Variants in RPGRIP1L observed in about 807,000 individuals in gnomAD.
RPGRIP1L encodes the protein RPGRIP1 like.
Under a neutral mutation model 160.4 loss-of-function variants are expected in RPGRIP1L, and 131 were observed. The observed-to-expected ratio is 0.82, with a 90% CI of 0.71 to 0.94. The LOEUF is 0.94. Ranked by LOEUF, RPGRIP1L falls within the 40% of genes least tolerant of loss-of-function variation. The probability of loss-of-function intolerance (pLI) is 0.00; values close to 1 mark genes in which losing one functional copy is unlikely to be tolerated. For synonymous variants in RPGRIP1L, 510 were observed against 515.8 expected (o/e 0.99, Z 0.15); for missense variants, 1,522 against 1,535.8 (o/e 0.99, Z 0.15).
intron 25 of RPGRIP1L, 66 bp from the exon 26 acceptor site, chr16:53,605,680 C>G: frequency 6.5e-7 from 1 of 1,534,364 alleles, no homozygotes; most frequent in Non-Finnish European, 9.0e-7. Flanking sequence ...GACAAAACTC[C>G]CAAATGGGGT....
At chr16:53,683,486 G>A (rs1213843562) in intron 6 of RPGRIP1L, among the ~76,000 whole-genome samples, 2 of 152,116 alleles carry the variant, frequency 1.3e-5, no homozygotes, top group Admixed American at 1.3e-4. Flanking sequence ...TGGTAGGTAT[G>A]TTTTTAAAAA....
At position 53,682,697 on chromosome 16, in the gene RPGRIP1L, A is replaced by C. The variant is rs374484656; in HGVS notation, c.776+3736T>G. ...AATTTTTATATTCAGACAATGTCTT[A>C]AACATGGCTGTTGGCATTTACTAAG... On this transcript the variant is annotated intron_variant, in intron 6 of 26. Coordinates refer to ENST00000647211, the MANE Select transcript of RPGRIP1L (RefSeq NM_015272.5). Among the ~76,000 whole-genome samples the C allele has an allele frequency of 2.0e-5, 3 of 152,186 alleles. No individual in the cohort carries two copies. The East Asian group carries it at 5.8e-4, about 29-fold the overall frequency.
chr16:53,685,880 T>C (rs914513382), intron 6 of RPGRIP1L, among the ~76,000 whole-genome samples: 1 of 152,048 alleles, frequency 6.6e-6, no homozygotes, highest in Non-Finnish European at 1.5e-5. Context: ...TTGGAAATTA[T>C]AACAAAAAAA....
intron 25 of RPGRIP1L, among the ~76,000 whole-genome samples, chr16:53,606,009 G>GT (rs988966174): frequency 6.6e-6 from 1 of 152,132 alleles, no homozygotes; most frequent in African/African-American, 2.4e-5. Context: ...CCATAGAAAC[G>GT]TAACATTTCC....
At chr16:53,649,257 G>A in intron 15 of RPGRIP1L, 142 bp from the exon 16 acceptor site, 1 of 659,298 alleles carries the variant, frequency 1.5e-6, no homozygotes, top group Non-Finnish European at 2.6e-6. Flanking sequence ...AATGATGTGA[G>A]ATTGGCAAAT....
At chr16:53,670,352 T>C (rs1968610588) in intron 9 of RPGRIP1L, among the ~76,000 whole-genome samples, 1 of 152,232 alleles carries the variant, frequency 6.6e-6, no homozygotes, top group Admixed American at 6.5e-5. Context: ...TTTCAGCACA[T>C]GACCAGAAGT....
intron 9 of RPGRIP1L, among the ~76,000 whole-genome samples, chr16:53,668,804 T>C (rs1968484211): frequency 6.6e-6 from 1 of 152,198 alleles, no homozygotes; most frequent in Non-Finnish European, 1.5e-5. Flanking sequence ...AACTTTTAAA[T>C]TGAACATTTA....
At chr16:53,648,626 GCACACACACACA>G (rs113624342) in intron 16 of RPGRIP1L, among the ~76,000 whole-genome samples, 1 of 143,988 alleles carries the variant, frequency 6.9e-6, no homozygotes, top group Non-Finnish European at 1.5e-5. Flanking sequence ...GCGCGCGCGC[GCACACACACACA>G]CACACACACA....
At chr16:53,602,743 C>G (rs1963447862) in intron 26 of RPGRIP1L, among the ~76,000 whole-genome samples, 2 of 148,710 alleles carry the variant, frequency 1.3e-5, no homozygotes, top group Non-Finnish European at 3.0e-5. Context: ...CACTGCACGC[C>G]AGCCTGAGAG....
intron 6 of RPGRIP1L, 56 bp downstream of exon 6, chr16:53,686,377 A>G: frequency 2.6e-6 from 4 of 1,534,970 alleles, no homozygotes; most frequent in Non-Finnish European, 3.6e-6. Flanking sequence ...GGCACATGAT[A>G]AAGTATTTTA....
At chr16:53,635,855 T>G (rs1406665915) in intron 22 of RPGRIP1L, among the ~76,000 whole-genome samples, 1 of 152,154 alleles carries the variant, frequency 6.6e-6, no homozygotes, top group African/African-American at 2.4e-5. Context: ...ACAGTATACT[T>G]CCCATATATA....
At chr16:53,702,262 T>C (rs1971478278) in intron 1 of RPGRIP1L, among the ~76,000 whole-genome samples, 1 of 152,216 alleles carries the variant, frequency 6.6e-6, no homozygotes, top group South Asian at 2.1e-4. Flanking sequence ...AAGGTGGTAG[T>C]TGAAAGTATT....
chr16:53,653,430 T>C (rs1966966748), intron 14 of RPGRIP1L: 2 of 732,028 alleles, frequency 2.7e-6, no homozygotes, highest in Non-Finnish European at 3.4e-6. Flanking sequence ...ATAAGTTTAT[T>C]ATCCTGATCA....
At chr16:53,700,809 GA>G (rs1329470164) in intron 1 of RPGRIP1L, 79 bp from the exon 2 acceptor site, 2 of 1,085,256 alleles carry the variant, frequency 1.8e-6, no homozygotes, top group Non-Finnish European at 2.8e-6. Flanking sequence ...CAAATAAAAC[GA>G]AAAAGGGACT....
chr16:53,640,947 A>T, intron 19 of RPGRIP1L, 86 bp downstream of exon 19: 1 of 937,854 alleles, frequency 1.1e-6, no homozygotes, highest in Non-Finnish European at 1.7e-6. Context: ...GTTTCCATTT[A>T]AATCAGGTAG....
intron 10 of RPGRIP1L, among the ~76,000 whole-genome samples, chr16:53,660,157 C>T (rs532463294): frequency 7.2e-5 from 11 of 152,252 alleles, no homozygotes; most frequent in East Asian, 1.9e-4. Context: ...GATAATCTCA[C>T]GTACTTAAGT....
At chr16:53,663,318 CA>C (rs1388518699) in intron 10 of RPGRIP1L, among the ~76,000 whole-genome samples, 3 of 151,820 alleles carry the variant, frequency 2.0e-5, no homozygotes, top group Non-Finnish European at 2.9e-5. Flanking sequence ...ACAGGTCTAA[CA>C]AAAAAACCAA....
chr16:53,609,943 G>A (rs1238155736), intron 25 of RPGRIP1L, among the ~76,000 whole-genome samples: 2 of 152,062 alleles, frequency 1.3e-5, no homozygotes, highest in Non-Finnish European at 2.9e-5. Context: ...TGAAAAATAT[G>A]TCTTTAACAT....
intron 24 of RPGRIP1L, among the ~76,000 whole-genome samples, chr16:53,617,085 A>AAAAAAAAAAAAAAAAAAAAAAAAAAAAAC: frequency 6.8e-6 from 1 of 147,788 alleles, no homozygotes; most frequent in African/African-American, 2.5e-5. Context: ...AAAAAAAAAA[A>AAAAAAAAAAAAAAAAAAAAAAAAAAAAAC]AAAAAAAAAA....
Sources: gnomAD v4.1 joint callset for allele counts (sites outside exome capture counted in the v4.1 genomes callset) on GRCh38, gnomAD v4.1.1 for gene constraint, MANE v1.5 for transcripts, NCBI Gene and HGNC (gene_info 2026-07-23, HGNC 2026-07-21) for gene names.